WDR72: variants seen among roughly 807,000 people sequenced by gnomAD.
The protein encoded by WDR72 is WD repeat domain 72.
In WDR72, 120 loss-of-function variants were observed where a neutral mutation model predicts 124.2. That is an observed-to-expected ratio of 0.97 (90% confidence interval 0.83 to 1.12). The LOEUF (loss-of-function observed/expected upper bound fraction) is 1.12, where lower values mean the gene tolerates loss of function less well. Among genes scored for constraint, WDR72 ranks in the 50% most tolerant of loss-of-function variants. The pLI, the probability that WDR72 is intolerant of heterozygous loss-of-function variation, is 0.00. For synonymous variants in WDR72, 452 were observed against 441.7 expected (o/e 1.02, Z -0.29); for missense variants, 1,387 against 1,278.8 (o/e 1.08, Z -1.29).
At chr15:53,566,823 G>A (rs1385039214) in intron 18 of WDR72, among the ~76,000 whole-genome samples, 1 of 151,890 alleles carries the variant, frequency 6.6e-6, no homozygotes, top group Non-Finnish European at 1.5e-5. Flanking sequence ...CTCATATACT[G>A]TAAAAGTAAT....
In WDR72 at chr15:53,615,745, T is replaced by C; in HGVS notation, c.2461A>G (p.Ile821Val). 1.2e-6 allele frequency: 2 copies of C among 1,613,504 alleles called. No homozygotes were observed. The highest frequency in any genetic ancestry group is 1.1e-5 in the South Asian group (1 of 91,054). Residue 821 changes from isoleucine (I) to valine (V), a missense_variant, in exon 15 of 20, where the codon ATT (isoleucine) becomes GTT (valine). Ile to Val is a conservative substitution (Grantham distance 29). Transcript: ENST00000360509. ...LDYLCIKHLN[I>V]LKLQGPISLG... ...GAAATAGGACCCTGAAGCTTTAAAA[T>C]ATTGAGGTGCTTAATGCAAAGATAA... is the stretch of plus-strand genomic sequence containing the variant.
At chr15:53,585,384 G>T (rs890870000) in intron 18 of WDR72, among the ~76,000 whole-genome samples, 1 of 151,832 alleles carries the variant, frequency 6.6e-6, no homozygotes, top group African/African-American at 2.4e-5. Flanking sequence ...GGAGGAAACC[G>T]CCCCTGTGAT....
chr15:53,617,896 TG>T (rs1258102909), intron 14 of WDR72, among the ~76,000 whole-genome samples: 12 of 152,120 alleles, frequency 7.9e-5, no homozygotes, highest in South Asian at 2.1e-4. Context: ...ACAAAGATAG[TG>T]GCTACCTTTT....
In WDR72 at chr15:53,665,674, G is replaced by A; in HGVS notation, c.1860C>T (p.Ala620=). The A allele has an allele frequency of 6.2e-7, 1 of 1,613,854 alleles. No homozygotes were observed. The highest frequency in any genetic ancestry group is 1.7e-5 in the Admixed American group (1 of 59,952). The change falls in exon 14 of 20, where the codon GCC becomes GCT. Residue 620 remains alanine, a synonymous_variant. Transcript: ENST00000360509. ...SQLVKSVLPI[A]SETLKHKSIE... ...TACTTTTGTGCTTAAGTGTCTCTGA[G>A]GCAATGGGAAGTACAGACTTCACAA...
intron 18 of WDR72, among the ~76,000 whole-genome samples, chr15:53,567,699 G>A (rs1894350851): frequency 6.6e-6 from 1 of 151,748 alleles, no homozygotes; most frequent in Non-Finnish European, 1.5e-5. Context: ...CCTTTTTTAT[G>A]TGTTTAAACT....
At chr15:53,525,311 T>C (rs1878191) in intron 18 of WDR72, among the ~76,000 whole-genome samples, 143,670 of 152,026 alleles carry the variant, frequency 0.95, 68,450 homozygotes, top group East Asian at 1. Context: ...GAAATATTTA[T>C]GTTGGTATTT....
intron 2 of WDR72, among the ~76,000 whole-genome samples, chr15:53,731,160 T>C (rs1257908447): frequency 6.6e-6 from 1 of 152,174 alleles, no homozygotes; most frequent in Non-Finnish European, 1.5e-5. Context: ...ATCTCCTCTA[T>C]AGTTCTCGAG....
intron 13 of WDR72, among the ~76,000 whole-genome samples, chr15:53,666,901 C>G (rs2015798446): frequency 6.6e-6 from 1 of 152,198 alleles, no homozygotes; most frequent in Non-Finnish European, 1.5e-5. Context: ...GATTCTGAAT[C>G]AGTAACAGTT....
At chr15:53,567,065 A>C (rs16966219) in intron 18 of WDR72, among the ~76,000 whole-genome samples, 30,636 of 151,902 alleles carry the variant, frequency 0.2, 5,151 homozygotes, top group African/African-American at 0.46. Flanking sequence ...TGTGTACCTG[A>C]CATAACTCAG....
At chr15:53,535,374 G>C (rs981683321) in intron 18 of WDR72, among the ~76,000 whole-genome samples, 8 of 152,148 alleles carry the variant, frequency 5.3e-5, no homozygotes, top group African/African-American at 1.9e-4. Context: ...GGTATCGACA[G>C]GGAACCATGA....
chr15:53,587,428 T>C (rs1030339622), intron 18 of WDR72, among the ~76,000 whole-genome samples: 2 of 152,026 alleles, frequency 1.3e-5, no homozygotes, highest in Non-Finnish European at 2.9e-5. Flanking sequence ...AGTGGTCTTA[T>C]GTATACCACA....
intron 14 of WDR72, among the ~76,000 whole-genome samples, chr15:53,632,882 A>T (rs2014485537): frequency 6.6e-6 from 1 of 152,192 alleles, no homozygotes; most frequent in South Asian, 2.1e-4. Context: ...TTGTACCCCC[A>T]TTGTATCTTG....
chr15:53,711,184 A>C (rs1595866544), intron 8 of WDR72, 152 bp downstream of exon 8: 1 of 1,117,926 alleles, frequency 8.9e-7, no homozygotes, highest in Non-Finnish European at 1.3e-6. Flanking sequence ...CAAAGGCTGA[A>C]GCCTACCAAG....
Position 53,550,336 on chromosome 15 carries a change from C to CT in WDR72, c.3149-27015dup, listed in dbSNP as rs536144709. 3.9e-4 allele frequency among the ~76,000 whole-genome samples: 59 copies of CT among 152,194 alleles called. 1 individual carries two copies. In the East Asian group the frequency reaches 0.01, roughly 26 times the overall value. ...TGGGTGTGGTTGTGTTCCAATAAAA[C>CT]TTTTTTTACCAAAAACAGATAGCAG... On this transcript the variant is annotated intron_variant, in intron 18 of 19. Transcript: ENST00000360509.
chr15:53,631,307 G>C (rs2014419157), intron 14 of WDR72, among the ~76,000 whole-genome samples: 1 of 152,134 alleles, frequency 6.6e-6, no homozygotes, highest in African/African-American at 2.4e-5. Context: ...TACCATAATT[G>C]TAAGTTTCCT....
chr15:53,599,845 C>T (rs1004938931), intron 17 of WDR72, among the ~76,000 whole-genome samples: 2 of 152,108 alleles, frequency 1.3e-5, no homozygotes, highest in African/African-American at 4.8e-5. Flanking sequence ...ATTTACATGT[C>T]ATGACTTCAC....
chr15:53,552,884 G>A (rs186758939), intron 18 of WDR72, among the ~76,000 whole-genome samples: 92 of 152,122 alleles, frequency 6.0e-4, no homozygotes, highest in Non-Finnish European at 1.0e-3. Flanking sequence ...AGGGGCCATC[G>A]GCATGGAAAG....
intron 4 of WDR72, among the ~76,000 whole-genome samples, chr15:53,715,917 G>T (rs1297660211): frequency 6.6e-6 from 1 of 152,144 alleles, no homozygotes; most frequent in East Asian, 1.9e-4. Context: ...GGCATTTGAG[G>T]ATTATTATGC....
At chr15:53,630,434 C>T (rs1437016808) in intron 14 of WDR72, among the ~76,000 whole-genome samples, 1 of 152,058 alleles carries the variant, frequency 6.6e-6, no homozygotes, top group African/African-American at 2.4e-5. Flanking sequence ...GACCAATAAC[C>T]CTTATAACTA....
Sources: allele counts gnomAD v4.1 joint callset (sites outside exome capture counted in the v4.1 genomes callset), GRCh38; gene constraint gnomAD v4.1.1; transcripts MANE v1.5; gene names NCBI Gene and HGNC (gene_info 2026-07-23, HGNC 2026-07-21).